Variants in SNX4 observed in about 807,000 individuals in gnomAD.
The protein encoded by SNX4 is sorting nexin 4.
SNX4 carries 49 observed loss-of-function variants against 70.8 expected under a neutral mutation model. That is an observed-to-expected ratio of 0.69 (90% CI 0.55 to 0.88). SNX4 has a LOEUF of 0.88. Ranked by LOEUF, SNX4 falls within the 40% of genes least tolerant of loss-of-function variation. The pLI is 0.00. For synonymous variants in SNX4, 206 were observed against 183.8 expected (o/e 1.12, Z -0.98); for missense variants, 528 against 544.8 (o/e 0.97, Z 0.31).
intron 5 of SNX4, among the ~76,000 whole-genome samples, chr3:125,490,741 G>A (rs778382301): frequency 2.5e-4 from 38 of 150,778 alleles, no homozygotes; most frequent in South Asian, 2.1e-4. Flanking sequence ...AAATGTATAC[G>A]TAACACATCC....
intron 9 of SNX4, 114 bp downstream of exon 9, chr3:125,469,340 T>C (rs780837897): frequency 1.9e-5 from 13 of 676,538 alleles, no homozygotes; most frequent in African/African-American, 1.1e-4. Context: ...TATGTACACA[T>C]AGAGCGCAAT....
At chr3:125,448,317 T>G (rs137870110) in intron 13 of SNX4, among the ~76,000 whole-genome samples, 1 of 150,204 alleles carries the variant, frequency 6.7e-6, no homozygotes, top group African/African-American at 2.4e-5. Flanking sequence ...TTTTTTTTTG[T>G]AGAAATGGAA....
intron 6 of SNX4, among the ~76,000 whole-genome samples, chr3:125,486,004 C>G (rs1934518272): frequency 2.0e-5 from 3 of 152,140 alleles, no homozygotes. Context: ...CCACACCCAA[C>G]TGATTTTTGT....
intron 5 of SNX4, among the ~76,000 whole-genome samples, chr3:125,494,540 T>C (rs1934737292): frequency 6.6e-6 from 1 of 152,234 alleles, no homozygotes; most frequent in African/African-American, 2.4e-5. Flanking sequence ...AGAAACTGTT[T>C]TAGATTCTAA....
chr3:125,462,122 CCA>C, intron 9 of SNX4, among the ~76,000 whole-genome samples: 1 of 152,268 alleles, frequency 6.6e-6, no homozygotes, highest in South Asian at 2.1e-4. Flanking sequence ...GGAAATTTTC[CCA>C]GACTGCTTTA....
At chr3:125,458,730 C>T (rs1274578970) in intron 10 of SNX4, among the ~76,000 whole-genome samples, 2 of 134,376 alleles carry the variant, frequency 1.5e-5, no homozygotes, top group South Asian at 2.4e-4. Flanking sequence ...AGGAGAATGG[C>T]GTGAATCCCG....
intron 2 of SNX4, among the ~76,000 whole-genome samples, chr3:125,501,609 G>C (rs1343605546): frequency 6.7e-6 from 1 of 149,252 alleles, no homozygotes; most frequent in Non-Finnish European, 1.5e-5. Flanking sequence ...GACAGAGCGA[G>C]ACTCCACCTT....
rs574071398 is a variant in SNX4, at chr3:125,494,643, T to G, written c.597+2698A>C. Among the ~76,000 whole-genome samples, 20 of 152,318 alleles carry G rather than the reference T, an allele frequency of 1.3e-4. No individual in the cohort carries two copies. The South Asian group carries it at 4.1e-3, about 32-fold the overall frequency. The stretch of plus-strand genomic sequence containing the variant: ...CTTTATCGCCTTATAGCAACAGTTG[T>G]CAAGTTTTAGGCTAATGGGATGTAC... On this transcript the variant is annotated intron_variant, in intron 5 of 13. Coordinates refer to ENST00000251775, the MANE Select transcript of SNX4 (RefSeq NM_003794.4).
At chr3:125,488,293 C>A (rs536952844) in intron 6 of SNX4, among the ~76,000 whole-genome samples, 94 of 150,968 alleles carry the variant, frequency 6.2e-4, no homozygotes, top group African/African-American at 2.2e-3. Context: ...CTGGCTAACA[C>A]GGCAAAACCC....
At chr3:125,455,785 G>A (rs181170055) in intron 11 of SNX4, among the ~76,000 whole-genome samples, 13 of 152,190 alleles carry the variant, frequency 8.5e-5, no homozygotes, top group African/African-American at 2.9e-4. Context: ...TGGCCGAGGC[G>A]GGCGGATCAC....
At chr3:125,462,686 T>C (rs1024689285) in intron 9 of SNX4, among the ~76,000 whole-genome samples, 2 of 152,044 alleles carry the variant, frequency 1.3e-5, no homozygotes, top group Non-Finnish European at 2.9e-5. Flanking sequence ...ACATGGCAAG[T>C]TGCAGTTTAT....
At chr3:125,509,619 G>T (rs1412555190) in intron 1 of SNX4, among the ~76,000 whole-genome samples, 1 of 151,800 alleles carries the variant, frequency 6.6e-6, no homozygotes, top group Non-Finnish European at 1.5e-5. Context: ...TGGGTGTGGT[G>T]GTGAGTTGCC....
In SNX4 at chr3:125,497,526, A is replaced by C. The variant is rs1934823843; in HGVS notation, c.550-138T>G. 6 of 652,454 alleles carry C rather than the reference A, an allele frequency of 9.2e-6. 1 individual carries two copies. In the South Asian group the frequency reaches 1.3e-4, roughly 14 times the overall value. The allele number at this position is 652,454 out of a possible 1,614,324, so 40.4% of individuals were successfully genotyped here. On this transcript the variant is annotated intron_variant, in intron 4 of 13. Coordinates refer to ENST00000251775, the MANE Select transcript of SNX4 (RefSeq NM_003794.4). The stretch of plus-strand genomic sequence containing the variant: ...TTTAAAAAAATTTCTTTTCACTTCA[A>C]AATTAAACATTCAATCCAACTTCTA...
At chr3:125,510,255 C>T (rs1382408711) in intron 1 of SNX4, among the ~76,000 whole-genome samples, 4 of 147,752 alleles carry the variant, frequency 2.7e-5, no homozygotes, top group Non-Finnish European at 6.0e-5. Context: ...TTTTTTGAGA[C>T]GGAGTCTTGC....
At chr3:125,508,556 G>T (rs1160449010) in intron 1 of SNX4, among the ~76,000 whole-genome samples, 2 of 146,538 alleles carry the variant, frequency 1.4e-5, no homozygotes, top group Non-Finnish European at 3.0e-5. Flanking sequence ...AACAGAGCGA[G>T]ACTCTGTCTC....
intron 6 of SNX4, among the ~76,000 whole-genome samples, chr3:125,483,975 C>T (rs567044325): frequency 4.6e-5 from 7 of 152,222 alleles, no homozygotes; most frequent in Admixed American, 1.3e-4. Flanking sequence ...TCATATATAA[C>T]GTCAGAATGT....
rs1187411134 is a variant in SNX4, at chr3:125,453,941, G to A, written c.1059C>T (p.Phe353=). The part of the protein sequence containing the change: ...EELVTGTVRT[F]SLKGMTTKLF... The stretch of plus-strand genomic sequence containing the variant: ...GCTTGGTAGTCATTCCCTTCAAAGA[G>A]AATGTTCTCACAGTCTAAAAGGAAA... The change falls in exon 12 of 14, where the codon TTC becomes TTT. Residue 353 remains phenylalanine, a synonymous_variant. Transcript: ENST00000251775. 6.2e-7 allele frequency: 1 copy of A among 1,613,238 alleles called. No individual in the cohort carries two copies. Among genetic ancestry groups the A allele is most frequent in the Admixed American group, 1.7e-5 (1 of 59,872 alleles).
chr3:125,497,720 A>G (rs1361487254), intron 4 of SNX4, 114 bp downstream of exon 4: 2 of 751,212 alleles, frequency 2.7e-6, no homozygotes, highest in Non-Finnish European at 4.1e-6. Flanking sequence ...TTCATAACAA[A>G]AAATAAATTG....
intron 1 of SNX4, among the ~76,000 whole-genome samples, chr3:125,512,984 G>A (rs1303271354): frequency 6.6e-6 from 1 of 152,128 alleles, no homozygotes; most frequent in Non-Finnish European, 1.5e-5. Context: ...GGCCAGGCAG[G>A]GCAAGTAATT....
Sources: allele counts gnomAD v4.1 joint callset (sites outside exome capture counted in the v4.1 genomes callset), GRCh38; gene constraint gnomAD v4.1.1; transcripts MANE v1.5; gene names NCBI Gene and HGNC (gene_info 2026-07-23, HGNC 2026-07-21).